DACH1: variants seen among roughly 807,000 people sequenced by gnomAD.
DACH1 encodes the protein dachshund homolog 1.
Under a neutral mutation model 54.2 loss-of-function variants are expected in DACH1, and 12 were observed. The observed-to-expected ratio is 0.22, with a 90% CI of 0.14 to 0.36. The LOEUF (loss-of-function observed/expected upper bound fraction) is 0.36. Ranked by LOEUF, DACH1 falls within the 10% of genes least tolerant of loss-of-function variation. DACH1 has a pLI of 1.00. For missense variants in DACH1, 805 were observed against 929.8 expected (o/e 0.87, Z 1.75); for synonymous variants, 386 against 366.2 (o/e 1.05, Z -0.62).
chr13:71,479,028 C>A, intron 8 of DACH1, 141 bp downstream of exon 8: 1 of 706,114 alleles, frequency 1.4e-6, no homozygotes, highest in Admixed American at 3.5e-5. Context: ...TACAATGAGC[C>A]TAGGATTCAA....
chr13:71,480,684 C>T (rs1462026109), intron 7 of DACH1, among the ~76,000 whole-genome samples: 1 of 152,136 alleles, frequency 6.6e-6, no homozygotes, highest in East Asian at 1.9e-4. Context: ...TAGATGTACT[C>T]TAGGATGTGA....
At chr13:71,604,955 T>C (rs1012927139) in intron 3 of DACH1, among the ~76,000 whole-genome samples, 6 of 151,866 alleles carry the variant, frequency 4.0e-5, no homozygotes, top group Middle Eastern at 3.4e-3. Context: ...GTCTCAGTTG[T>C]TTTTATTCCC....
intron 6 of DACH1, among the ~76,000 whole-genome samples, chr13:71,556,316 TAA>T (rs1487488340): frequency 3.3e-5 from 5 of 152,160 alleles, no homozygotes; most frequent in Non-Finnish European, 7.4e-5. Flanking sequence ...TTGAAAATAT[TAA>T]GTTAAAATAA....
intron 6 of DACH1, among the ~76,000 whole-genome samples, chr13:71,552,896 A>G: frequency 7.4e-6 from 1 of 134,564 alleles, no homozygotes; most frequent in African/African-American, 2.8e-5. Context: ...GACAGAACTA[A>G]TAGACCAGGT....
intron 2 of DACH1, among the ~76,000 whole-genome samples, chr13:71,639,824 G>T (rs1471534839): frequency 6.6e-6 from 1 of 151,884 alleles, no homozygotes; most frequent in African/African-American, 2.4e-5. Context: ...ACTATAATTT[G>T]GTTTAAAATC....
At chr13:71,760,456 T>G (rs904209459) in intron 1 of DACH1, among the ~76,000 whole-genome samples, 2 of 152,296 alleles carry the variant, frequency 1.3e-5, no homozygotes, top group East Asian at 1.9e-4. Context: ...GGGGGACCTA[T>G]TACACTGAAA....
At chr13:71,445,192 A>G (rs1874342395) in intron 10 of DACH1, among the ~76,000 whole-genome samples, 2 of 152,152 alleles carry the variant, frequency 1.3e-5, no homozygotes, top group Non-Finnish European at 2.9e-5. Flanking sequence ...TAAACTTTTG[A>G]AGAAAGAAAT....
chr13:71,443,391 C>T (rs761178691), intron 10 of DACH1, among the ~76,000 whole-genome samples: 12 of 151,640 alleles, frequency 7.9e-5, no homozygotes, highest in East Asian at 1.9e-4. Context: ...CCCAGGAGTT[C>T]GAGACCAGCC....
chr13:71,853,837 T>C (rs969838615), intron 1 of DACH1, among the ~76,000 whole-genome samples: 3 of 152,228 alleles, frequency 2.0e-5, no homozygotes, highest in African/African-American at 7.2e-5. Flanking sequence ...TCATTTTTCA[T>C]GCGTTTTGTC....
intron 6 of DACH1, among the ~76,000 whole-genome samples, chr13:71,532,657 A>T (rs1309844174): frequency 6.6e-6 from 1 of 152,022 alleles, no homozygotes; most frequent in African/African-American, 2.4e-5. Flanking sequence ...GTAGGCTTTC[A>T]GCCAGTATAC....
intron 10 of DACH1, among the ~76,000 whole-genome samples, chr13:71,466,275 C>T (rs1329683540): frequency 6.6e-6 from 1 of 152,168 alleles, no homozygotes; most frequent in Non-Finnish European, 1.5e-5. Context: ...GACTATTGGT[C>T]TTCCAGATAC....
chr13:71,713,292 C>T (rs1348605368), intron 1 of DACH1, among the ~76,000 whole-genome samples: 1 of 151,916 alleles, frequency 6.6e-6, no homozygotes, highest in East Asian at 1.9e-4. Context: ...GCCACAAAGC[C>T]AAGGCAAAAG....
chr13:71,747,904 C>A (rs1385168558), intron 1 of DACH1, among the ~76,000 whole-genome samples: 1 of 152,126 alleles, frequency 6.6e-6, no homozygotes, highest in African/African-American at 2.4e-5. Context: ...CTGGTCCATT[C>A]TCACATTCCT....
chr13:71,846,175 C>A, intron 1 of DACH1: 1 of 220,174 alleles, frequency 4.5e-6, no homozygotes, highest in Middle Eastern at 2.1e-3. Flanking sequence ...GGCGGCAAAC[C>A]AAACAAATCC....
chr13:71,683,844 C>A (rs1413386823), intron 1 of DACH1, among the ~76,000 whole-genome samples: 2 of 152,032 alleles, frequency 1.3e-5, no homozygotes, highest in Non-Finnish European at 2.9e-5. Flanking sequence ...TAGCCCATAT[C>A]TTTCTCCTGG....
At chr13:71,692,681 C>T (rs1464492033) in intron 1 of DACH1, among the ~76,000 whole-genome samples, 2 of 151,604 alleles carry the variant, frequency 1.3e-5, no homozygotes, top group Non-Finnish European at 2.9e-5. Flanking sequence ...CACCACCATG[C>T]CCGGCTAATT....
intron 1 of DACH1, among the ~76,000 whole-genome samples, chr13:71,712,178 T>C (rs1369097939): frequency 6.6e-6 from 1 of 152,138 alleles, no homozygotes; most frequent in Non-Finnish European, 1.5e-5. Flanking sequence ...TGAAGAAATA[T>C]CTAATGTAGA....
intron 1 of DACH1, among the ~76,000 whole-genome samples, chr13:71,865,485 C>T (rs1320385077): frequency 4.6e-5 from 7 of 152,154 alleles, no homozygotes; most frequent in East Asian, 1.9e-4. Context: ...TCAGCCCTGT[C>T]GGTGCCGGGA....
At chr13:71,473,111 G>A (rs1404339334) in intron 10 of DACH1, among the ~76,000 whole-genome samples, 3 of 152,022 alleles carry the variant, frequency 2.0e-5, no homozygotes, top group Non-Finnish European at 4.4e-5. Context: ...ATTACAATTT[G>A]GGAAAAGTCA....
Sources: gnomAD v4.1 joint callset for allele counts (sites outside exome capture counted in the v4.1 genomes callset) on GRCh38, gnomAD v4.1.1 for gene constraint, MANE v1.5 for transcripts, NCBI Gene and HGNC (gene_info 2026-07-23, HGNC 2026-07-21) for gene names.